Variants in AGBL4 observed in about 807,000 individuals in gnomAD.
The protein encoded by AGBL4 is cytosolic carboxypeptidase 6.
AGBL4 carries 58 observed loss-of-function variants against 66.4 expected under a neutral mutation model. The observed-to-expected ratio is 0.87, with a 90% CI of 0.71 to 1.09. The LOEUF (loss-of-function observed/expected upper bound fraction) is 1.09, where lower values mean the gene tolerates loss of function less well. Ranked by LOEUF, AGBL4 falls within the 50% of genes least tolerant of loss-of-function variation. The probability of loss-of-function intolerance (pLI) is 0.00; values close to 1 mark genes in which losing one functional copy is unlikely to be tolerated. For synonymous variants in AGBL4, 234 were observed against 222.9 expected, an observed-to-expected ratio of 1.05 and a Z score of -0.44; for missense variants, 579 against 631.0, an observed-to-expected ratio of 0.92 and a Z score of 0.88.
chr1:49,715,662 G>A (rs1648059625), intron 2 of AGBL4, among the ~76,000 whole-genome samples: 1 of 152,132 alleles, frequency 6.6e-6, no homozygotes, highest in Admixed American at 6.6e-5. Flanking sequence ...TAACTGGCAT[G>A]AGATGGTATC....
chr1:49,415,162 G>A (rs1017005405), intron 3 of AGBL4, among the ~76,000 whole-genome samples: 3 of 152,000 alleles, frequency 2.0e-5, no homozygotes, highest in African/African-American at 2.4e-5. Context: ...CCTCTGCTCC[G>A]ATACATGTTA....
chr1:49,460,981 G>A (rs1224858025), intron 3 of AGBL4, among the ~76,000 whole-genome samples: 1 of 151,642 alleles, frequency 6.6e-6, no homozygotes, highest in Non-Finnish European at 1.5e-5. Flanking sequence ...TAATCTGACA[G>A]GTTTTCCTTT....
chr1:48,949,837 G>A (rs114560082), intron 5 of AGBL4, among the ~76,000 whole-genome samples: 44 of 152,258 alleles, frequency 2.9e-4, no homozygotes, highest in African/African-American at 1.0e-3. Flanking sequence ...TCAGAGTTTT[G>A]ATTACTGTCT....
At chr1:48,908,132 C>T (rs1570974186) in intron 5 of AGBL4, among the ~76,000 whole-genome samples, 1 of 152,166 alleles carries the variant, frequency 6.6e-6, no homozygotes, top group Admixed American at 6.5e-5. Context: ...TTTGGGAAGA[C>T]AGTAATTTGG....
chr1:49,004,671 C>T (rs1661642741), intron 5 of AGBL4, among the ~76,000 whole-genome samples: 2 of 152,138 alleles, frequency 1.3e-5, no homozygotes, highest in South Asian at 4.1e-4. Context: ...TAAAAAGAGG[C>T]ACAAAGCACT....
chr1:49,390,055 C>T (rs566291107), intron 3 of AGBL4, among the ~76,000 whole-genome samples: 18 of 152,166 alleles, frequency 1.2e-4, no homozygotes, highest in South Asian at 1.0e-3. Context: ...GAATCTTTCT[C>T]TCTGGTAAAT....
At chr1:49,179,556 G>C (rs1475792702) in intron 4 of AGBL4, among the ~76,000 whole-genome samples, 1 of 151,904 alleles carries the variant, frequency 6.6e-6, no homozygotes, top group Non-Finnish European at 1.5e-5. Flanking sequence ...ACAGCAAGCA[G>C]AGGACAAAAG....
In AGBL4 at chr1:49,080,756, A is replaced by G. The variant is rs76185004; in HGVS notation, c.378-34956T>C. 5.8e-4 allele frequency among the ~76,000 whole-genome samples: 89 copies of G among 152,296 alleles called. No homozygotes were observed. The East Asian group carries it at 0.016, about 27-fold the overall frequency. ...GCCATATTGTATGTTTTAATCTGCC[A>G]ATTCTTGTTTTGTTCACCGTAATAC... On this transcript the variant is annotated intron_variant, in intron 4 of 13. Transcript: ENST00000371839.
chr1:49,509,229 G>C (rs2148778576), intron 3 of AGBL4, among the ~76,000 whole-genome samples: 1 of 151,936 alleles, frequency 6.6e-6, no homozygotes, highest in Admixed American at 6.6e-5. Flanking sequence ...TCAAGGTGGA[G>C]AGGAAACACA....
chr1:48,754,833 T>C (rs1652293896), intron 6 of AGBL4, among the ~76,000 whole-genome samples: 1 of 151,712 alleles, frequency 6.6e-6, no homozygotes, highest in East Asian at 1.9e-4. Flanking sequence ...TTGGGAAAAA[T>C]GAAGTCTAAG....
chr1:49,437,624 T>C (rs901273721), intron 3 of AGBL4, among the ~76,000 whole-genome samples: 17 of 152,194 alleles, frequency 1.1e-4, no homozygotes, highest in African/African-American at 3.9e-4. Context: ...TTATAAGCTA[T>C]GATAAGCACT....
chr1:50,010,914 A>G (rs1374037521), intron 1 of AGBL4, among the ~76,000 whole-genome samples: 1 of 152,210 alleles, frequency 6.6e-6, no homozygotes. Flanking sequence ...CTGGGCAAAG[A>G]TTCCTGGAGC....
intron 4 of AGBL4, among the ~76,000 whole-genome samples, chr1:49,122,460 C>A (rs1048562721): frequency 6.6e-6 from 1 of 152,160 alleles, no homozygotes; most frequent in Non-Finnish European, 1.5e-5. Flanking sequence ...TAAAATGCTG[C>A]AGGCCACATG....
At chr1:49,414,582 A>G (rs1171569171) in intron 3 of AGBL4, among the ~76,000 whole-genome samples, 1 of 152,168 alleles carries the variant, frequency 6.6e-6, no homozygotes, top group African/African-American at 2.4e-5. Context: ...GATCAAAGGA[A>G]TATGGCAAAG....
chr1:49,976,668 A>G (rs1054273451), intron 1 of AGBL4, among the ~76,000 whole-genome samples: 2 of 152,246 alleles, frequency 1.3e-5, no homozygotes, highest in African/African-American at 4.8e-5. Context: ...ACAAAATGGC[A>G]TCAGCATCAC....
intron 3 of AGBL4, among the ~76,000 whole-genome samples, chr1:49,461,750 G>A (rs1646517943): frequency 6.6e-6 from 1 of 151,200 alleles, no homozygotes; most frequent in African/African-American, 2.4e-5. Flanking sequence ...TTACTTTGCT[G>A]AGAAGGATGG....
At chr1:49,817,459 C>T (rs934077708) in intron 2 of AGBL4, among the ~76,000 whole-genome samples, 2 of 152,252 alleles carry the variant, frequency 1.3e-5, no homozygotes, top group African/African-American at 4.8e-5. Flanking sequence ...GAAAAATAGT[C>T]ATCTTCTTTA....
In AGBL4 at chr1:49,206,402, A is replaced by C. The variant is rs370520822; in HGVS notation, c.377+39368T>G. ...GGCAGAGCCTTAGGAATGAAGGTCTAATACAATTATTATAATTGCTGTTAT... is the reference window on the plus strand; with the variant it reads ...GGCAGAGCCTTAGGAATGAAGGTCTCATACAATTATTATAATTGCTGTTAT... On this transcript the variant is annotated intron_variant, in intron 4 of 13. Coordinates refer to ENST00000371839, the MANE Select transcript of AGBL4 (RefSeq NM_032785.4). Among the ~76,000 whole-genome samples the C allele has an allele frequency of 3.3e-4, 50 of 152,266 alleles. 1 individual carries two copies. The South Asian group carries it at 9.5e-3, about 29-fold the overall frequency.
chr1:49,074,845 C>A (rs1032167632), intron 4 of AGBL4, among the ~76,000 whole-genome samples: 2 of 152,116 alleles, frequency 1.3e-5, no homozygotes, highest in African/African-American at 4.8e-5. Context: ...CCTTTCAGGG[C>A]AAATTGTGGG....
Sources: gnomAD v4.1 joint callset for allele counts (sites outside exome capture counted in the v4.1 genomes callset) on GRCh38, gnomAD v4.1.1 for gene constraint, MANE v1.5 for transcripts, NCBI Gene and HGNC (gene_info 2026-07-23, HGNC 2026-07-21) for gene names.